GRIK1: variants seen among roughly 807,000 people sequenced by gnomAD.
GRIK1 encodes glutamate receptor ionotropic, kainate 1.
Under a neutral mutation model 105.7 loss-of-function variants are expected in GRIK1, and 69 were observed. The ratio of observed to expected loss-of-function variants is 0.65; its 90% CI spans 0.54 to 0.80. The LOEUF (loss-of-function observed/expected upper bound fraction) is 0.80, where lower values mean the gene tolerates loss of function less well. GRIK1 is among the 30% of genes least tolerant of loss of function. GRIK1 has a pLI of 0.00. For synonymous variants in GRIK1, 438 were observed against 431.3 expected (o/e 1.02, Z -0.19); for missense variants, 1,109 against 1,167.3 (o/e 0.95, Z 0.73).
At chr21:29,664,293 C>G (rs903876257) in intron 4 of GRIK1, among the ~76,000 whole-genome samples, 35 of 152,064 alleles carry the variant, frequency 2.3e-4, no homozygotes, top group African/African-American at 8.2e-4. Flanking sequence ...AATTGGGAAG[C>G]CAGTTCTAAG....
At chr21:29,588,223 C>G (rs888604733) in intron 11 of GRIK1, among the ~76,000 whole-genome samples, 1 of 151,906 alleles carries the variant, frequency 6.6e-6, no homozygotes, top group Non-Finnish European at 1.5e-5. Context: ...ATCCGCCTGC[C>G]TCAGACTCCC....
intron 9 of GRIK1, among the ~76,000 whole-genome samples, chr21:29,591,608 T>A (rs2061335291): frequency 6.6e-6 from 1 of 152,212 alleles, no homozygotes; most frequent in African/African-American, 2.4e-5. Flanking sequence ...TAACAATGAA[T>A]AAAATATACA....
chr21:29,593,006 C>T (rs1253538838), intron 9 of GRIK1, among the ~76,000 whole-genome samples: 5 of 152,126 alleles, frequency 3.3e-5, no homozygotes, highest in Non-Finnish European at 7.3e-5. Flanking sequence ...TTTCTTGACT[C>T]TGATTTATTG....
At chr21:29,666,179 G>A (rs765615544) in intron 4 of GRIK1, among the ~76,000 whole-genome samples, 16 of 152,122 alleles carry the variant, frequency 1.1e-4, no homozygotes, top group Admixed American at 9.8e-4. Flanking sequence ...CAAGGCAGGC[G>A]GATCACCTGA....
intron 1 of GRIK1, chr21:29,759,011 G>A (rs1035617183): frequency 2.0e-5 from 3 of 153,362 alleles, no homozygotes; most frequent in African/African-American, 7.2e-5. Context: ...TGCACAGGAG[G>A]TAGGTAAGTC....
intron 1 of GRIK1, chr21:29,760,163 T>G (rs1303189444): frequency 4.6e-5 from 7 of 152,246 alleles, no homozygotes; most frequent in Admixed American, 4.6e-4. Context: ...CTTCCTAACA[T>G]GTTGACTGCC....
intron 5 of GRIK1, among the ~76,000 whole-genome samples, chr21:29,652,764 A>G (rs1396753457): frequency 6.6e-6 from 1 of 152,254 alleles, no homozygotes; most frequent in Non-Finnish European, 1.5e-5. Flanking sequence ...AAGTTTCTTA[A>G]CAATGCAACC....
intron 1 of GRIK1, among the ~76,000 whole-genome samples, chr21:29,895,570 C>T (rs2070110567): frequency 6.6e-6 from 1 of 152,146 alleles, no homozygotes; most frequent in Non-Finnish European, 1.5e-5. Flanking sequence ...TCGAAAAGAT[C>T]CAAGGTGAAC....
chr21:29,638,014 A>G (rs1030591094), intron 7 of GRIK1, among the ~76,000 whole-genome samples: 17 of 152,200 alleles, frequency 1.1e-4, no homozygotes, highest in Admixed American at 9.8e-4. Flanking sequence ...AATAATAATA[A>G]TGATGACTCC....
intron 1 of GRIK1, among the ~76,000 whole-genome samples, chr21:29,806,243 T>C (rs2066860903): frequency 6.6e-6 from 1 of 152,162 alleles, no homozygotes; most frequent in South Asian, 2.1e-4. Context: ...TTGACATTGA[T>C]ATTTTAATTT....
intron 1 of GRIK1, among the ~76,000 whole-genome samples, chr21:29,717,717 A>G (rs992449192): frequency 9.9e-5 from 15 of 152,232 alleles, no homozygotes; most frequent in Non-Finnish European, 2.1e-4. Flanking sequence ...CTTGTTTCAG[A>G]TAAGACTTTG....
chr21:29,537,438 C>A, intron 17 of GRIK1, 53 bp from the exon 18 acceptor site: 2 of 1,408,756 alleles, frequency 1.4e-6, no homozygotes, highest in South Asian at 1.3e-5. Flanking sequence ...TCGCATGTGC[C>A]GTTGACCTGC....
intron 1 of GRIK1, among the ~76,000 whole-genome samples, chr21:29,804,819 A>T (rs1237870557): frequency 6.6e-6 from 1 of 152,184 alleles, no homozygotes; most frequent in African/African-American, 2.4e-5. Context: ...TGTCATTAAA[A>T]ATACTAATAG....
At chr21:29,758,323 T>C (rs2065405572) in intron 1 of GRIK1, among the ~76,000 whole-genome samples, 1 of 152,212 alleles carries the variant, frequency 6.6e-6, no homozygotes, top group Non-Finnish European at 1.5e-5. Flanking sequence ...CAGTTCCACA[T>C]GGATGGGGAG....
At chr21:29,907,529 T>C (rs948292803) in intron 1 of GRIK1, among the ~76,000 whole-genome samples, 11 of 152,126 alleles carry the variant, frequency 7.2e-5, no homozygotes, top group African/African-American at 2.4e-4. Context: ...AAATAAGTTA[T>C]ATTGTAAAGA....
intron 1 of GRIK1, among the ~76,000 whole-genome samples, chr21:29,802,011 T>C (rs1332061696): frequency 1.3e-5 from 2 of 152,194 alleles, no homozygotes; most frequent in Non-Finnish European, 2.9e-5. Flanking sequence ...TATCTTGGCA[T>C]TTATTTCTCC....
At chr21:29,574,596 C>T (rs978457612) in intron 14 of GRIK1, among the ~76,000 whole-genome samples, 10 of 151,850 alleles carry the variant, frequency 6.6e-5, no homozygotes, top group Non-Finnish European at 1.5e-4. Context: ...CTTGCAAAGC[C>T]GTAATGTCAT....
intron 1 of GRIK1, among the ~76,000 whole-genome samples, chr21:29,833,547 G>A (rs1048467301): frequency 6.6e-6 from 1 of 152,158 alleles, no homozygotes; most frequent in Non-Finnish European, 1.5e-5. Flanking sequence ...AGGGGAAGCA[G>A]CTCATCTTAC....
intron 7 of GRIK1, among the ~76,000 whole-genome samples, chr21:29,637,357 C>T (rs1433899272): frequency 6.6e-6 from 1 of 152,248 alleles, no homozygotes; most frequent in African/African-American, 2.4e-5. Flanking sequence ...AATCTGGACA[C>T]AGCGTAATTC....
Sources: allele counts gnomAD v4.1 joint callset (sites outside exome capture counted in the v4.1 genomes callset), GRCh38; gene constraint gnomAD v4.1.1; transcripts MANE v1.5; gene names NCBI Gene and HGNC (gene_info 2026-07-23, HGNC 2026-07-21).